PRKAR1B: variants seen among roughly 807,000 people sequenced by gnomAD.
The protein encoded by PRKAR1B is cAMP-dependent protein kinase type I-beta regulatory subunit.
PRKAR1B carries 22 observed loss-of-function variants against 46.5 expected under a neutral mutation model. The observed-to-expected ratio is 0.47, with a 90% confidence interval of 0.34 to 0.68. The LOEUF is 0.68. Ranked by LOEUF, PRKAR1B falls within the 30% of genes least tolerant of loss-of-function variation. The probability of loss-of-function intolerance (pLI) is 0.01; values close to 1 mark genes in which losing one functional copy is unlikely to be tolerated. For synonymous variants in PRKAR1B, 259 were observed against 217.7 expected, an observed-to-expected ratio of 1.19 and a Z score of -1.67; for missense variants, 445 against 535.6, an observed-to-expected ratio of 0.83 and a Z score of 1.67.
chr7:609,098 C>G (rs939061843), intron 4 of PRKAR1B, among the ~76,000 whole-genome samples: 4 of 151,676 alleles, frequency 2.6e-5, no homozygotes, highest in Non-Finnish European at 5.9e-5. Flanking sequence ...GCCCTCCACT[C>G]TCCGCCCATG....
chr7:668,174 C>T lies in PRKAR1B; in HGVS notation c.440+9055G>A, dbSNP rs779414886. Among the ~76,000 whole-genome samples, 10 of 152,266 alleles carry T rather than the reference C, an allele frequency of 6.6e-5. No homozygotes were observed. The East Asian group carries it at 7.7e-4, about 12-fold the overall frequency. On this transcript the variant is annotated intron_variant, in intron 4 of 10. Coordinates refer to ENST00000537384, the MANE Select transcript of PRKAR1B (RefSeq NM_001164760.2). ...GATTCTCTGCCGCACTCTTCCTAAG[C>T]GGGGAAGCAGAGAGAAGAAGAGCAG...
chr7:680,501 T>A, intron 3 of PRKAR1B, 55 bp downstream of exon 3: 1 of 1,510,724 alleles, frequency 6.6e-7, no homozygotes. Flanking sequence ...AGCTCACAGG[T>A]GACAGCCACG....
intron 1 of PRKAR1B, among the ~76,000 whole-genome samples, chr7:725,514 C>G (rs1236250929): frequency 6.6e-6 from 1 of 152,220 alleles, no homozygotes; most frequent in Admixed American, 6.5e-5. Context: ...CTGTGAAACA[C>G]TGTCTTGCTT....
At chr7:653,198 G>C (rs576385938) in intron 4 of PRKAR1B, among the ~76,000 whole-genome samples, 1 of 152,342 alleles carries the variant, frequency 6.6e-6, no homozygotes, top group East Asian at 1.9e-4. Context: ...CTACACAAGT[G>C]GGGAGCCAGG....
At chr7:654,983 G>A (rs532289203) in intron 4 of PRKAR1B, among the ~76,000 whole-genome samples, 1 of 152,316 alleles carries the variant, frequency 6.6e-6, no homozygotes, top group South Asian at 2.1e-4. Context: ...AGGCTAGACA[G>A]GGCCCCTTTC....
chr7:606,157 C>G (rs376463705), intron 6 of PRKAR1B, 36 bp downstream of exon 6: 1 of 1,609,920 alleles, frequency 6.2e-7, no homozygotes, highest in African/African-American at 1.3e-5. Flanking sequence ...CATGCAAAGA[C>G]GCGCTATTTT....
At chr7:662,581 T>C (rs1256757487) in intron 4 of PRKAR1B, among the ~76,000 whole-genome samples, 2 of 112,178 alleles carry the variant, frequency 1.8e-5, no homozygotes, top group African/African-American at 3.5e-5. Context: ...AATTACCTAC[T>C]CTCCCCCCCA....
intron 4 of PRKAR1B, among the ~76,000 whole-genome samples, chr7:660,884 C>G (rs1264555593): frequency 1.5e-5 from 2 of 134,196 alleles, no homozygotes; most frequent in Admixed American, 1.5e-4. Context: ...CAGGTCCCTA[C>G]TCCAACGGGT....
chr7:707,342 G>C (rs1780382263), intron 2 of PRKAR1B, among the ~76,000 whole-genome samples: 1 of 152,172 alleles, frequency 6.6e-6, no homozygotes, highest in Admixed American at 6.5e-5. Flanking sequence ...ACGCCCCTCA[G>C]ATTTTTTTCT....
At chr7:625,554 G>A (rs1048837970) in intron 4 of PRKAR1B, among the ~76,000 whole-genome samples, 2 of 151,322 alleles carry the variant, frequency 1.3e-5, no homozygotes, top group Non-Finnish European at 2.9e-5. Context: ...TGGACAAGGG[G>A]CATAACTACA....
chr7:661,531 C>G (rs1211422435), intron 4 of PRKAR1B, among the ~76,000 whole-genome samples: 1 of 77,306 alleles, frequency 1.3e-5, no homozygotes, highest in African/African-American at 5.6e-5. Context: ...CCCACCCCAA[C>G]AGATCCAAAT....
intron 4 of PRKAR1B, among the ~76,000 whole-genome samples, chr7:664,935 T>G (rs1396496398): frequency 6.6e-6 from 1 of 151,654 alleles, no homozygotes; most frequent in Non-Finnish European, 1.5e-5. Flanking sequence ...AACAAAAATC[T>G]CAGGGCACCA....
intron 4 of PRKAR1B, among the ~76,000 whole-genome samples, chr7:646,830 G>A (rs754857226): frequency 1.4e-4 from 21 of 152,168 alleles, no homozygotes; most frequent in East Asian, 5.8e-4. Flanking sequence ...TTGGCCATCC[G>A]CCCGATCATA....
In PRKAR1B at chr7:608,950, G is replaced by A. The variant is rs373348699; in HGVS notation, c.441-1498C>T. On this transcript the variant is annotated intron_variant, in intron 4 of 10. Transcript: ENST00000537384. ...CAGTGTGTGGCAGGGCTGTAGGGAG[G>A]GCCGGGGGGCCTCCACTGTCCTCCC... is the stretch of plus-strand genomic sequence containing the variant. Among the ~76,000 whole-genome samples, 2 of 26,930 alleles carry A rather than the reference G, an allele frequency of 7.4e-5. 1 individual carries two copies. The allele number at this position is 26,930 out of a possible 152,430, so 17.7% of individuals were successfully genotyped here.
chr7:559,111 A>T (rs9330360), intron 9 of PRKAR1B, among the ~76,000 whole-genome samples: 1 of 152,054 alleles, frequency 6.6e-6, no homozygotes, highest in Admixed American at 6.5e-5. Context: ...CATTAGGGCT[A>T]GGACTACGGC....
chr7:638,763 C>G (rs1007043152), intron 4 of PRKAR1B, among the ~76,000 whole-genome samples: 1 of 152,184 alleles, frequency 6.6e-6, no homozygotes, highest in Non-Finnish European at 1.5e-5. Flanking sequence ...CACACTCTTA[C>G]AACTGCTAAG....
intron 9 of PRKAR1B, chr7:565,045 C>G (rs1284337427): frequency 1.3e-5 from 2 of 152,214 alleles, no homozygotes; most frequent in Non-Finnish European, 2.9e-5. Context: ...GGAACTTGCA[C>G]AGCCAGGAGT....
intron 4 of PRKAR1B, among the ~76,000 whole-genome samples, chr7:668,793 C>G (rs1242567674): frequency 6.6e-5 from 10 of 152,266 alleles, no homozygotes; most frequent in South Asian, 4.2e-4. Flanking sequence ...TTTACTGAAC[C>G]TACCTAGAGC....
intron 2 of PRKAR1B, among the ~76,000 whole-genome samples, chr7:695,504 G>C (rs949388231): frequency 6.6e-6 from 1 of 152,162 alleles, no homozygotes; most frequent in Admixed American, 6.5e-5. Context: ...CGATGACCTC[G>C]TGTTCCATGA....
Sources: allele counts gnomAD v4.1 joint callset (sites outside exome capture counted in the v4.1 genomes callset), GRCh38; gene constraint gnomAD v4.1.1; transcripts MANE v1.5; gene names NCBI Gene and HGNC (gene_info 2026-07-23, HGNC 2026-07-21).